DACH1: variants seen among roughly 807,000 people sequenced by gnomAD.
DACH1 encodes dachshund family transcription factor 1.
A neutral mutation model predicts 54.2 loss-of-function variants in DACH1; 12 were observed. The observed-to-expected ratio is 0.22, with a 90% CI of 0.14 to 0.36. The LOEUF (loss-of-function observed/expected upper bound fraction) is 0.36, where lower values mean the gene tolerates loss of function less well. Ranked by LOEUF, DACH1 falls within the 10% of genes least tolerant of loss-of-function variation. The pLI is 1.00. For synonymous variants in DACH1, 386 were observed against 366.2 expected (o/e 1.05, Z -0.62); for missense variants, 805 against 929.8 (o/e 0.87, Z 1.75).
intron 3 of DACH1, among the ~76,000 whole-genome samples, chr13:71,575,542 T>C (rs1221181668): frequency 2.0e-5 from 3 of 152,088 alleles, no homozygotes; most frequent in African/African-American, 7.2e-5. Context: ...TCAGTAGAGA[T>C]GCACAATAAC....
chr13:71,786,934 A>T (rs368740462), intron 1 of DACH1, among the ~76,000 whole-genome samples: 1 of 152,192 alleles, frequency 6.6e-6, no homozygotes, highest in African/African-American at 2.4e-5. Context: ...AGAGTAATAG[A>T]GCTTGAAAAC....
At chr13:71,550,811 C>G (rs1883763763) in intron 6 of DACH1, among the ~76,000 whole-genome samples, 1 of 152,036 alleles carries the variant, frequency 6.6e-6, no homozygotes, top group South Asian at 2.1e-4. Context: ...AAGTTCAACA[C>G]TTATTTTCGA....
chr13:71,703,927 G>T (rs1436028412), intron 1 of DACH1, among the ~76,000 whole-genome samples: 2 of 152,140 alleles, frequency 1.3e-5, no homozygotes, highest in African/African-American at 4.8e-5. Flanking sequence ...GTCTGTCCAA[G>T]TATGGAGGGG....
chr13:71,849,165 G>A (rs779369945), intron 1 of DACH1, among the ~76,000 whole-genome samples: 2 of 152,098 alleles, frequency 1.3e-5, no homozygotes, highest in South Asian at 2.1e-4. Flanking sequence ...TGTTGCTAAC[G>A]CTTTAAAAAA....
At chr13:71,595,539 T>C (rs1325639207) in intron 3 of DACH1, among the ~76,000 whole-genome samples, 1 of 152,076 alleles carries the variant, frequency 6.6e-6, no homozygotes, top group Non-Finnish European at 1.5e-5. Context: ...GTTAGATGTA[T>C]AACAGAGGGA....
At chr13:71,563,051 T>C (rs2138390692) in intron 4 of DACH1, among the ~76,000 whole-genome samples, 1 of 152,200 alleles carries the variant, frequency 6.6e-6, no homozygotes, top group South Asian at 2.1e-4. Flanking sequence ...TCTTGATTTC[T>C]TGAAATTCTA....
At chr13:71,530,631 C>A (rs989144326) in intron 6 of DACH1, among the ~76,000 whole-genome samples, 1 of 151,984 alleles carries the variant, frequency 6.6e-6, no homozygotes, top group Non-Finnish European at 1.5e-5. Flanking sequence ...CATCTCATTT[C>A]TCTTGGTAAT....
At chr13:71,451,229 G>T (rs895928214) in intron 10 of DACH1, among the ~76,000 whole-genome samples, 1 of 152,036 alleles carries the variant, frequency 6.6e-6, no homozygotes, top group African/African-American at 2.4e-5. Flanking sequence ...AAACCTAAAT[G>T]TTGTTCCTGT....
intron 1 of DACH1, among the ~76,000 whole-genome samples, chr13:71,836,836 T>A (rs370750616): frequency 6.6e-6 from 1 of 152,202 alleles, no homozygotes; most frequent in African/African-American, 2.4e-5. Context: ...ATTGATTATG[T>A]TAATTCTTTA....
chr13:71,564,037 T>A (rs1884758585), intron 4 of DACH1, among the ~76,000 whole-genome samples: 1 of 152,042 alleles, frequency 6.6e-6, no homozygotes. Context: ...TTGAATACAT[T>A]GTTGCACAAT....
chr13:71,728,595 G>A (rs1883590527), intron 1 of DACH1, among the ~76,000 whole-genome samples: 1 of 151,980 alleles, frequency 6.6e-6, no homozygotes, highest in South Asian at 2.1e-4. Flanking sequence ...AATTTAATCA[G>A]AAGGATGAAA....
At chr13:71,677,275 C>T (rs923791115) in intron 2 of DACH1, among the ~76,000 whole-genome samples, 21 of 152,186 alleles carry the variant, frequency 1.4e-4, no homozygotes, top group African/African-American at 4.8e-4. Context: ...AGTGCTCAGT[C>T]AAAATAAATG....
chr13:71,495,508 A>T (rs1453994744), intron 6 of DACH1, among the ~76,000 whole-genome samples: 1 of 152,130 alleles, frequency 6.6e-6, no homozygotes, highest in African/African-American at 2.4e-5. Flanking sequence ...GTTGGTGCCT[A>T]AAAAATTTTG....
intron 1 of DACH1, among the ~76,000 whole-genome samples, chr13:71,805,698 T>C (rs1827052551): frequency 6.6e-6 from 1 of 152,238 alleles, no homozygotes; most frequent in Non-Finnish European, 1.5e-5. Context: ...AGTATTTTAA[T>C]TAGACAAATA....
chr13:71,744,967 T>G (rs1884545752), intron 1 of DACH1, among the ~76,000 whole-genome samples: 1 of 152,172 alleles, frequency 6.6e-6, no homozygotes, highest in African/African-American at 2.4e-5. Flanking sequence ...TTGTGGATTT[T>G]TATTTATTCT....
At chr13:71,836,748 T>G (rs1888801411) in intron 1 of DACH1, among the ~76,000 whole-genome samples, 3 of 152,054 alleles carry the variant, frequency 2.0e-5, no homozygotes, top group Admixed American at 2.0e-4. Flanking sequence ...TTCTGACCAC[T>G]TTATTTAAAA....
intron 1 of DACH1, among the ~76,000 whole-genome samples, chr13:71,701,631 C>A (rs1039711468): frequency 5.9e-5 from 9 of 151,916 alleles, no homozygotes; most frequent in African/African-American, 1.9e-4. Flanking sequence ...GAGATGAAAT[C>A]TAAAATGCAC....
At chr13:71,639,851 A>G (rs1166041827) in intron 2 of DACH1, among the ~76,000 whole-genome samples, 1 of 152,126 alleles carries the variant, frequency 6.6e-6, no homozygotes, top group African/African-American at 2.4e-5. Flanking sequence ...TACCTAATTT[A>G]TAAAAAGTTG....
At chr13:71,750,220 C>G (rs1884864703) in intron 1 of DACH1, among the ~76,000 whole-genome samples, 1 of 152,138 alleles carries the variant, frequency 6.6e-6, no homozygotes, top group African/African-American at 2.4e-5. Flanking sequence ...AAAACTTTCC[C>G]TGAAATACCT....
Sources: gnomAD v4.1 joint callset for allele counts (sites outside exome capture counted in the v4.1 genomes callset) on GRCh38, gnomAD v4.1.1 for gene constraint, MANE v1.5 for transcripts, NCBI Gene and HGNC (gene_info 2026-07-23, HGNC 2026-07-21) for gene names.